The following STAG1 variants were observed in gnomAD, a reference collection of about 807,000 sequenced individuals.
STAG1 encodes the protein cohesin subunit SA-1.
Under a neutral mutation model 170.9 loss-of-function variants are expected in STAG1, and 26 were observed. The ratio of observed to expected loss-of-function variants is 0.15; its 90% CI spans 0.11 to 0.21. STAG1 has a LOEUF of 0.21. Ranked by LOEUF, STAG1 falls within the 10% of genes least tolerant of loss-of-function variation. The pLI, the probability that STAG1 is intolerant of heterozygous loss-of-function variation, is 1.00. For synonymous variants in STAG1, 514 were observed against 497.7 expected (o/e 1.03, Z -0.44); for missense variants, 964 against 1,509.5 (o/e 0.64, Z 5.99).
chr3:136,640,992 A>G (rs2107846418), intron 1 of STAG1, among the ~76,000 whole-genome samples: 1 of 152,290 alleles, frequency 6.6e-6, no homozygotes, highest in East Asian at 1.9e-4. Context: ...ATAACATTTT[A>G]TCTGAAAATC....
intron 8 of STAG1, among the ~76,000 whole-genome samples, chr3:136,501,984 C>G (rs982477346): frequency 6.6e-6 from 1 of 152,042 alleles, no homozygotes; most frequent in Non-Finnish European, 1.5e-5. Flanking sequence ...GAGTTCGAGA[C>G]CAGCCTGACC....
At chr3:136,381,711 G>GA (rs1233924282) in intron 22 of STAG1, among the ~76,000 whole-genome samples, 1 of 152,154 alleles carries the variant, frequency 6.6e-6, no homozygotes, top group Non-Finnish European at 1.5e-5. Flanking sequence ...AAAGATGTGA[G>GA]AATGTTTGCT....
In STAG1 at chr3:136,517,640, C is replaced by CA. The variant is rs532150901; in HGVS notation, c.676+3572dup. Among the ~76,000 whole-genome samples the CA allele has an allele frequency of 5.3e-3, 808 of 151,998 alleles. 5 individuals are homozygous for CA. Among genetic ancestry groups the CA allele is most frequent in the Non-Finnish European group, 6.9e-3 (470 of 67,926 alleles). ...TGAACTTAAAAGGAAAATATTCCCTCAAAAAATAAAAATGTCATCAAATTT... is the reference window on the plus strand; with the variant it reads ...TGAACTTAAAAGGAAAATATTCCCTCAAAAAAATAAAAATGTCATCAAATTT... On this transcript the variant is annotated intron_variant, in intron 7 of 33. Coordinates refer to ENST00000383202, the MANE Select transcript of STAG1 (RefSeq NM_005862.3).
At chr3:136,349,715 G>A (rs1285394271) in intron 28 of STAG1, among the ~76,000 whole-genome samples, 1 of 152,162 alleles carries the variant, frequency 6.6e-6, no homozygotes, top group Non-Finnish European at 1.5e-5. Flanking sequence ...AGCCAAAGCA[G>A]GATTTCTAAG....
At chr3:136,600,788 C>A (rs1396399368) in intron 4 of STAG1, among the ~76,000 whole-genome samples, 1 of 152,164 alleles carries the variant, frequency 6.6e-6, no homozygotes, top group Non-Finnish European at 1.5e-5. Flanking sequence ...CCGCCTGGGC[C>A]TCCCAAAATG....
intron 28 of STAG1, among the ~76,000 whole-genome samples, chr3:136,349,767 A>G (rs1230949353): frequency 2.0e-5 from 3 of 152,246 alleles, no homozygotes; most frequent in African/African-American, 7.2e-5. Flanking sequence ...TTCCAGCAAA[A>G]CAACATTTTA....
At chr3:136,527,175 T>C (rs1160780242) in intron 6 of STAG1, among the ~76,000 whole-genome samples, 4 of 152,236 alleles carry the variant, frequency 2.6e-5, no homozygotes, top group Non-Finnish European at 5.9e-5. Context: ...CTGGATAATA[T>C]CCTGCAGAGT....
At chr3:136,371,048 A>T (rs1475412700) in intron 23 of STAG1, among the ~76,000 whole-genome samples, 1 of 152,106 alleles carries the variant, frequency 6.6e-6, no homozygotes, top group Non-Finnish European at 1.5e-5. Flanking sequence ...AATGATCGCC[A>T]TTCTAACTGG....
intron 13 of STAG1, among the ~76,000 whole-genome samples, chr3:136,462,165 C>A (rs1324584033): frequency 1.3e-5 from 2 of 152,004 alleles, no homozygotes; most frequent in Non-Finnish European, 2.9e-5. Flanking sequence ...AAAATATCTA[C>A]CATATGATCA....
intron 10 of STAG1, 54 bp downstream of exon 10, chr3:136,477,235 T>G: frequency 6.5e-7 from 1 of 1,533,138 alleles, no homozygotes; most frequent in Admixed American, 2.1e-5. Flanking sequence ...TTCCCAGCAT[T>G]TTAGTACTGA....
At chr3:136,673,484 AG>A (rs1942037596) in intron 1 of STAG1, among the ~76,000 whole-genome samples, 1 of 152,218 alleles carries the variant, frequency 6.6e-6, no homozygotes, top group African/African-American at 2.4e-5. Context: ...AGCTTCATGA[AG>A]GTTTAAAAAG....
intron 1 of STAG1, among the ~76,000 whole-genome samples, chr3:136,717,981 T>C (rs1291145397): frequency 1.3e-5 from 2 of 152,138 alleles, no homozygotes; most frequent in Non-Finnish European, 2.9e-5. Context: ...AATCTTTTTC[T>C]GATAGAAGGG....
Position 136,355,351 on chromosome 3 carries a change from TAAAAAAAAAAAAA to T in STAG1, c.3065+2356_3065+2368del, listed in dbSNP as rs370605205. Among the ~76,000 whole-genome samples, 16 of 29,992 alleles carry T rather than the reference TAAAAAAAAAAAAA, an allele frequency of 5.3e-4. 2 individuals are homozygous for T. The South Asian group carries it at 0.023, about 44-fold the overall frequency. The allele number at this position is 29,992 out of a possible 152,430, so 19.7% of individuals were successfully genotyped here. A position where few individuals can be genotyped will look rare whatever the true frequency, so the allele number is the denominator to read the frequency against. ...TGGGTATCAGAGTGAGACTCCATCT[TAAAAAAAAAAAAA>T]AAAAAAAAAAAAAAAGTATATACAC... On this transcript the variant is annotated intron_variant, in intron 28 of 33. Coordinates refer to ENST00000383202, the MANE Select transcript of STAG1 (RefSeq NM_005862.3).
chr3:136,464,928 C>G lies in STAG1; in HGVS notation c.1266G>C (p.Ser422=), dbSNP rs765164966. ...DCENVYHLVY[S]AHRPVAVAAG... is the part of the protein sequence containing the mutation. The stretch of plus-strand genomic sequence containing the variant: ...CTGCCACAGCAACAGGGCGATGTGC[C>G]GAGTACACCAAGTGGTAAACATTTT... Residue 422 remains serine, a synonymous_variant, in exon 13 of 34, where the codon TCG becomes TCC. Coordinates refer to ENST00000383202, the MANE Select transcript of STAG1 (RefSeq NM_005862.3). 26 of 1,612,546 alleles carry G rather than the reference C, an allele frequency of 1.6e-5. No homozygotes were observed. Among genetic ancestry groups the G allele is most frequent in the Non-Finnish European group, 2.2e-5 (26 of 1,179,434 alleles).
At chr3:136,579,627 A>G (rs916223461) in intron 4 of STAG1, among the ~76,000 whole-genome samples, 2 of 152,216 alleles carry the variant, frequency 1.3e-5, no homozygotes, top group African/African-American at 4.8e-5. Flanking sequence ...GTGTCATTTT[A>G]TTCCACAAAA....
intron 4 of STAG1, among the ~76,000 whole-genome samples, chr3:136,585,865 G>A (rs1937792247): frequency 6.6e-6 from 1 of 152,196 alleles, no homozygotes; most frequent in Non-Finnish European, 1.5e-5. Flanking sequence ...GAAACAAATT[G>A]TGAATTAGCT....
At chr3:136,518,521 G>A (rs1316865951) in intron 7 of STAG1, 1 of 623,228 alleles carries the variant, frequency 1.6e-6, no homozygotes, top group Non-Finnish European at 2.9e-6. Flanking sequence ...TGAAAAGAGG[G>A]ATAATTGTTG....
At chr3:136,698,549 A>G (rs991879240) in intron 1 of STAG1, among the ~76,000 whole-genome samples, 1 of 152,214 alleles carries the variant, frequency 6.6e-6, no homozygotes, top group South Asian at 2.1e-4. Context: ...GCTGGTAGGA[A>G]TGTAAACTAC....
At chr3:136,467,809 C>A (rs577189633) in intron 12 of STAG1, among the ~76,000 whole-genome samples, 29 of 152,194 alleles carry the variant, frequency 1.9e-4, no homozygotes, top group Non-Finnish European at 3.8e-4. Context: ...AACAAACTGT[C>A]TCTCAGACCA....
Sources: gnomAD v4.1 joint callset for allele counts (sites outside exome capture counted in the v4.1 genomes callset) on GRCh38, gnomAD v4.1.1 for gene constraint, MANE v1.5 for transcripts, NCBI Gene and HGNC (gene_info 2026-07-23, HGNC 2026-07-21) for gene names.